Variants in LRRC28 observed in about 807,000 individuals in gnomAD.
LRRC28 encodes leucine-rich repeat-containing protein 28.
Under a neutral mutation model 45.7 loss-of-function variants are expected in LRRC28, and 39 were observed. That is an observed-to-expected ratio of 0.85 (90% CI 0.66 to 1.12). LRRC28 has a LOEUF of 1.12. LRRC28 is among the 50% of genes most tolerant of loss of function. The probability of loss-of-function intolerance (pLI) is 0.00; values close to 1 mark genes in which losing one functional copy is unlikely to be tolerated. For missense variants in LRRC28, 435 were observed against 438.5 expected, an observed-to-expected ratio of 0.99 and a Z score of 0.07; for synonymous variants, 206 against 178.8, an observed-to-expected ratio of 1.15 and a Z score of -1.22.
At chr15:99,326,456 G>A (rs1035241968) in intron 5 of LRRC28, 7 of 152,224 alleles carry the variant, frequency 4.6e-5, no homozygotes, top group African/African-American at 1.2e-4. Flanking sequence ...TCCTGGGGCA[G>A]AGCAAGCAAG....
At chr15:99,341,151 C>T (rs544200133) in intron 6 of LRRC28, among the ~76,000 whole-genome samples, 2 of 133,520 alleles carry the variant, frequency 1.5e-5, no homozygotes, top group East Asian at 4.6e-4. Context: ...AGTGCAGTGG[C>T]GTGATCTGGG....
intron 6 of LRRC28, among the ~76,000 whole-genome samples, chr15:99,347,266 G>A (rs746255120): frequency 6.6e-6 from 1 of 151,518 alleles, no homozygotes; most frequent in Non-Finnish European, 1.5e-5. Flanking sequence ...CTGGAGTGCA[G>A]TGGTGCTATC....
intron 5 of LRRC28, among the ~76,000 whole-genome samples, chr15:99,322,681 G>A (rs1471769771): frequency 6.6e-6 from 1 of 152,106 alleles, no homozygotes; most frequent in East Asian, 1.9e-4. Flanking sequence ...ACCCCCATTA[G>A]GGTCCAGATA....
Position 99,289,277 on chromosome 15 carries a change from T to C in LRRC28, c.385+1326T>C, listed in dbSNP as rs144779094. Among the ~76,000 whole-genome samples the C allele has an allele frequency of 2.2e-4, 34 of 152,300 alleles. 1 individual carries two copies. In the East Asian group the frequency reaches 6.0e-3, roughly 27 times the overall value. On this transcript the variant is annotated intron_variant, in intron 5 of 9. Transcript: ENST00000301981. The stretch of plus-strand genomic sequence containing the variant: ...AGATAATTAAAAAATAAAAAACTTA[T>C]GCTTCAGGTATTATATGAAAGTTAC...
intron 6 of LRRC28, among the ~76,000 whole-genome samples, chr15:99,344,220 A>G (rs1259643665): frequency 2.0e-5 from 3 of 152,330 alleles, no homozygotes; most frequent in East Asian, 3.9e-4. Flanking sequence ...TAATCTTCAT[A>G]ACAGGTCTGT....
chr15:99,285,386 G>C (rs1044487663), intron 3 of LRRC28: 13 of 742,886 alleles, frequency 1.7e-5, no homozygotes. Flanking sequence ...CACCTCCTCC[G>C]CAGTGGTATA....
intron 2 of LRRC28, chr15:99,256,477 A>AT (rs2081025522): frequency 6.3e-6 from 1 of 159,990 alleles, no homozygotes; most frequent in South Asian, 2.0e-4. Context: ...ATATTACAGC[A>AT]TTCACCAGAC....
chr15:99,317,679 A>T (rs1411270333), intron 5 of LRRC28: 2 of 152,080 alleles, frequency 1.3e-5, no homozygotes, highest in Non-Finnish European at 2.9e-5. Flanking sequence ...TATTTTGCTA[A>T]TCTGCCAGTT....
chr15:99,287,976 T>C, intron 5 of LRRC28, 25 bp downstream of exon 5: 5 of 1,585,150 alleles, frequency 3.2e-6, no homozygotes, highest in Non-Finnish European at 4.3e-6. Flanking sequence ...TAGCACACTA[T>C]AGTTTCTTGT....
At chr15:99,253,557 A>G (rs1339824197) in intron 1 of LRRC28, among the ~76,000 whole-genome samples, 1 of 152,258 alleles carries the variant, frequency 6.6e-6, no homozygotes, top group African/African-American at 2.4e-5. Flanking sequence ...TGAGAAGCCA[A>G]GCAGAGTTGC....
intron 5 of LRRC28, among the ~76,000 whole-genome samples, chr15:99,308,860 A>G (rs951621288): frequency 6.6e-6 from 1 of 152,232 alleles, no homozygotes; most frequent in African/African-American, 2.4e-5. Flanking sequence ...GGCTGCAGTC[A>G]AGGTTGGGTT....
chr15:99,269,208 TTAAGA>T (rs2081408980), intron 2 of LRRC28, among the ~76,000 whole-genome samples: 1 of 152,248 alleles, frequency 6.6e-6, no homozygotes, highest in African/African-American at 2.4e-5. Context: ...TTTACATTTC[TTAAGA>T]TGACAATTTT....
chr15:99,328,977 C>T (rs1489103623), intron 5 of LRRC28, among the ~76,000 whole-genome samples: 2 of 151,936 alleles, frequency 1.3e-5, no homozygotes, highest in Non-Finnish European at 2.9e-5. Flanking sequence ...ACTTCTCATA[C>T]ATGAACTGAT....
intron 9 of LRRC28, among the ~76,000 whole-genome samples, chr15:99,371,062 C>T (rs552898021): frequency 9.9e-5 from 15 of 151,190 alleles, no homozygotes; most frequent in East Asian, 1.9e-4. Context: ...GCTGAGATCG[C>T]GCCACTGCAC....
At chr15:99,349,952 AG>A (rs1956819717) in intron 6 of LRRC28, among the ~76,000 whole-genome samples, 1 of 151,578 alleles carries the variant, frequency 6.6e-6, no homozygotes, top group Non-Finnish European at 1.5e-5. Flanking sequence ...CTGGCTAACA[AG>A]GTGAAACCCC....
intron 6 of LRRC28, among the ~76,000 whole-genome samples, chr15:99,336,027 C>T (rs996536814): frequency 3.3e-5 from 5 of 151,894 alleles, no homozygotes. Context: ...AGTCTGGGGT[C>T]GCCTATACTA....
chr15:99,290,245 T>G (rs998434996), intron 5 of LRRC28, among the ~76,000 whole-genome samples: 1 of 147,800 alleles, frequency 6.8e-6, no homozygotes, highest in Non-Finnish European at 1.5e-5. Context: ...GGTGACAGAG[T>G]GAGACCCTGC....
chr15:99,282,176 G>GTTTTTTTT (rs1476287973), intron 3 of LRRC28, among the ~76,000 whole-genome samples: 7 of 33,874 alleles, frequency 2.1e-4, no homozygotes, highest in Admixed American at 2.8e-4. Flanking sequence ...AATTTTTGGA[G>GTTTTTTTT]GTTTTTTTTT....
At chr15:99,375,331 A>G (rs932324793) in intron 9 of LRRC28, among the ~76,000 whole-genome samples, 2 of 152,202 alleles carry the variant, frequency 1.3e-5, no homozygotes, top group Non-Finnish European at 1.5e-5. Flanking sequence ...CCACTTGATC[A>G]TGATGTGTAA....
Sources: gnomAD v4.1 joint callset for allele counts (sites outside exome capture counted in the v4.1 genomes callset) on GRCh38, gnomAD v4.1.1 for gene constraint, MANE v1.5 for transcripts, NCBI Gene and HGNC (gene_info 2026-07-23, HGNC 2026-07-21) for gene names.